CARMIL1: variants seen among roughly 807,000 people sequenced by gnomAD.
CARMIL1 encodes the protein capping protein regulator and myosin 1 linker 1.
In CARMIL1, 90 loss-of-function variants were observed where a neutral mutation model predicts 177.1. The ratio of observed to expected loss-of-function variants is 0.51; its 90% CI spans 0.43 to 0.61. CARMIL1 has a LOEUF of 0.61. Among genes scored for constraint, CARMIL1 ranks in the 20% least tolerant of loss-of-function variants. CARMIL1 has a pLI of 0.00. For synonymous variants in CARMIL1, 577 were observed against 606.2 expected (o/e 0.95, Z 0.71); for missense variants, 1,380 against 1,667.0 (o/e 0.83, Z 3.00).
intron 2 of CARMIL1, among the ~76,000 whole-genome samples, chr6:25,394,314 C>T (rs959491895): frequency 4.6e-5 from 7 of 152,148 alleles, no homozygotes; most frequent in East Asian, 3.9e-4. Flanking sequence ...CTTCTAACAA[C>T]GCTAGAAGAC....
intron 26 of CARMIL1, among the ~76,000 whole-genome samples, chr6:25,542,728 T>G (rs1343681442): frequency 6.6e-6 from 1 of 152,186 alleles, no homozygotes; most frequent in Non-Finnish European, 1.5e-5. Flanking sequence ...TCATTTTTGA[T>G]ACTTATAATG....
At chr6:25,568,118 G>GA (rs1562293650) in intron 29 of CARMIL1, among the ~76,000 whole-genome samples, 1 of 152,136 alleles carries the variant, frequency 6.6e-6, no homozygotes, top group South Asian at 2.1e-4. Context: ...CTTTCATTCT[G>GA]AAAAATAACA....
intron 24 of CARMIL1, among the ~76,000 whole-genome samples, chr6:25,533,569 A>T (rs1214896843): frequency 6.6e-6 from 1 of 152,160 alleles, no homozygotes; most frequent in African/African-American, 2.4e-5. Context: ...TACCATCATT[A>T]TTATGGACCA....
Position 25,472,478 on chromosome 6 carries a change from A to T in CARMIL1, c.831A>T (p.Gly277=). 6.3e-7 allele frequency: 1 copy of T among 1,583,944 alleles called. No homozygotes were observed. Among genetic ancestry groups the T allele is most frequent in the Non-Finnish European group, 8.6e-7 (1 of 1,164,280 alleles). The change falls in exon 11 of 37, where the codon GGA becomes GGT. Residue 277 remains glycine (G), a synonymous_variant. Transcript: ENST00000329474. ...CTCTAGCACATAATCCCAACTCAGG[A>T]CTCCACACAATTAACCTTGCTGGCA... ...ASALAHNPNS[G]LHTINLAGNP... is the part of the protein sequence containing the mutation.
chr6:25,390,438 C>T (rs919180255), intron 2 of CARMIL1, among the ~76,000 whole-genome samples: 2 of 150,430 alleles, frequency 1.3e-5, no homozygotes, highest in Non-Finnish European at 3.0e-5. Context: ...CCTCCCACCT[C>T]AGCCTCCCAA....
At chr6:25,424,078 A>G (rs1796089916) in intron 3 of CARMIL1, among the ~76,000 whole-genome samples, 1 of 152,074 alleles carries the variant, frequency 6.6e-6, no homozygotes, top group East Asian at 1.9e-4. Flanking sequence ...TGTTTTAGAG[A>G]CTTCCCTCCC....
chr6:25,294,926 AG>A (rs1326874970), intron 2 of CARMIL1, among the ~76,000 whole-genome samples: 1 of 152,178 alleles, frequency 6.6e-6, no homozygotes, highest in Admixed American at 6.5e-5. Context: ...TGCCTTTTGA[AG>A]AGGGTATGGA....
intron 12 of CARMIL1, among the ~76,000 whole-genome samples, chr6:25,483,802 C>T (rs1400489799): frequency 6.6e-6 from 1 of 151,390 alleles, no homozygotes; most frequent in Non-Finnish European, 1.5e-5. Context: ...GGGTCTTGCT[C>T]TGTCACCTAG....
In CARMIL1 at chr6:25,515,872, T is replaced by C. The variant is rs906548163; in HGVS notation, c.1805+25T>C. The C allele has an allele frequency of 1.9e-6, 3 of 1,574,824 alleles. No homozygotes were observed. The highest frequency in any genetic ancestry group is 1.3e-5 in the African/African-American group (1 of 74,284). On this transcript the variant is annotated intron_variant, in intron 21 of 36. Transcript: ENST00000329474. The surrounding 1 kb of genome is among the most constrained non-coding windows in gnomAD (Gnocchi z 5.0). ...GGTAGGCAGATCCCACCCTCCCTGC[T>C]CATGAGGAAGGCTTGGAGCAGATTC...
intron 36 of CARMIL1, among the ~76,000 whole-genome samples, chr6:25,616,017 G>A (rs1816858506): frequency 6.6e-6 from 1 of 152,148 alleles, no homozygotes; most frequent in African/African-American, 2.4e-5. Flanking sequence ...TATATACATG[G>A]AGTGTTTGTT....
chr6:25,604,093 A>T (rs1305399732), intron 33 of CARMIL1, among the ~76,000 whole-genome samples: 2 of 152,050 alleles, frequency 1.3e-5, no homozygotes, highest in Non-Finnish European at 2.9e-5. Context: ...TTTTAAATAG[A>T]TAAGGTCTCG....
At chr6:25,382,134 G>C (rs1437309215) in intron 2 of CARMIL1, among the ~76,000 whole-genome samples, 1 of 152,162 alleles carries the variant, frequency 6.6e-6, no homozygotes, top group African/African-American at 2.4e-5. Flanking sequence ...GTCTCACTCT[G>C]TCACCCAGGC....
At chr6:25,599,946 T>A (rs1300217004) in intron 32 of CARMIL1, among the ~76,000 whole-genome samples, 1 of 152,048 alleles carries the variant, frequency 6.6e-6, no homozygotes, top group Non-Finnish European at 1.5e-5. Flanking sequence ...CACCTCTGTT[T>A]TATGCCTGGA....
chr6:25,405,983 C>T (rs1562094741), intron 2 of CARMIL1, among the ~76,000 whole-genome samples: 1 of 152,176 alleles, frequency 6.6e-6, no homozygotes, highest in Non-Finnish European at 1.5e-5. Flanking sequence ...TGCATTCATT[C>T]ACTCAACAGA....
intron 2 of CARMIL1, among the ~76,000 whole-genome samples, chr6:25,339,795 G>A (rs944507333): frequency 6.6e-6 from 1 of 152,218 alleles, no homozygotes. Flanking sequence ...CCTTGGGCAA[G>A]TTACTTACCT....
intron 16 of CARMIL1, among the ~76,000 whole-genome samples, chr6:25,497,910 CT>C (rs1803899240): frequency 6.6e-6 from 1 of 152,028 alleles, no homozygotes; most frequent in Admixed American, 6.6e-5. Context: ...CCTTTGAGGC[CT>C]TTTTTGGTCC....
chr6:25,443,563 G>A lies in CARMIL1; in HGVS notation c.372-6335G>A, dbSNP rs186335408. Among the ~76,000 whole-genome samples, 8 of 152,278 alleles carry A rather than the reference G, an allele frequency of 5.3e-5. No individual in the cohort carries two copies. The East Asian group carries it at 1.2e-3, about 22-fold the overall frequency. On this transcript the variant is annotated intron_variant, in intron 5 of 36. Coordinates refer to ENST00000329474, the MANE Select transcript of CARMIL1 (RefSeq NM_017640.6). ...GTTCCAGACCATTGCAATAAAGTGA[G>A]TCAAGAACTTTTTGGTTTCTCAGTG...
intron 11 of CARMIL1, among the ~76,000 whole-genome samples, chr6:25,478,539 A>AT (rs1396582180): frequency 6.6e-6 from 1 of 152,168 alleles, no homozygotes; most frequent in African/African-American, 2.4e-5. Context: ...GCTCACGCCT[A>AT]TAATCCTAGC....
At chr6:25,520,451 T>A (rs943532130) in intron 23 of CARMIL1, 114 bp downstream of exon 23, 3 of 642,804 alleles carry the variant, frequency 4.7e-6, no homozygotes, top group African/African-American at 3.7e-5. Context: ...AATTTTATTT[T>A]ATTTTTTCAC....
Sources: gnomAD v4.1 joint callset for allele counts (sites outside exome capture counted in the v4.1 genomes callset) on GRCh38, gnomAD v4.1.1 for gene constraint, Gnocchi (gnomAD v3.1) non-coding constraint, MANE v1.5 for transcripts, NCBI Gene and HGNC (gene_info 2026-07-23, HGNC 2026-07-21) for gene names.